The following CSMD3 variants were observed in gnomAD, a reference collection of about 807,000 sequenced individuals.
CSMD3 encodes CUB and sushi domain-containing protein 3.
A neutral mutation model predicts 435.2 loss-of-function variants in CSMD3; 177 were observed. The observed-to-expected ratio is 0.41, with a 90% CI of 0.36 to 0.46. The LOEUF is 0.46. Among genes scored for constraint, CSMD3 ranks in the 20% least tolerant of loss-of-function variants. The pLI, the probability that CSMD3 is intolerant of heterozygous loss-of-function variation, is 0.34. For missense variants in CSMD3, 4,265 were observed against 4,504.6 expected (o/e 0.95, Z 1.52); for synonymous variants, 1,656 against 1,520.5 (o/e 1.09, Z -2.07).
intron 4 of CSMD3, among the ~76,000 whole-genome samples, chr8:113,109,831 T>G (rs958462847): frequency 6.6e-6 from 1 of 152,214 alleles, no homozygotes; most frequent in Non-Finnish European, 1.5e-5. Context: ...CAGTTTTCTT[T>G]CTGAGTTCCA....
chr8:113,248,361 A>G (rs2093297751), intron 3 of CSMD3, among the ~76,000 whole-genome samples: 1 of 150,474 alleles, frequency 6.6e-6, no homozygotes. Flanking sequence ...TATATAACAC[A>G]TACAATAGAG....
intron 11 of CSMD3, among the ~76,000 whole-genome samples, chr8:112,847,628 C>A (rs1363594625): frequency 1.3e-5 from 2 of 152,162 alleles, no homozygotes; most frequent in Middle Eastern, 3.2e-3. Flanking sequence ...CAGCTATAGT[C>A]TGCAGAAAAG....
Position 112,506,825 on chromosome 8 carries a change from G to C in CSMD3, c.4761C>G (p.Pro1587=), listed in dbSNP as rs149472209. 6.8e-6 allele frequency: 11 copies of C among 1,612,226 alleles called. No homozygotes were observed. The East Asian group carries it at 2.5e-4, about 36-fold the overall frequency. Residue 1587 remains proline, a synonymous_variant, in exon 29 of 71, where the codon CCC becomes CCG. Coordinates refer to ENST00000297405, the MANE Select transcript of CSMD3 (RefSeq NM_198123.2). ...WQPSPPVCIA[P]CGGNLTGSSG... ...AAGATCCTGTTAAATTGCCTCCACAGGGTGCTTTAATTTAAACAAACAAAT... is the reference window on the plus strand; with the variant it reads ...AAGATCCTGTTAAATTGCCTCCACACGGTGCTTTAATTTAAACAAACAAAT...
intron 10 of CSMD3, among the ~76,000 whole-genome samples, chr8:112,895,978 G>A (rs1270464677): frequency 6.6e-6 from 1 of 151,386 alleles, no homozygotes; most frequent in Non-Finnish European, 1.5e-5. Flanking sequence ...TCTCAATAAT[G>A]AAATCATCTT....
intron 22 of CSMD3, among the ~76,000 whole-genome samples, chr8:112,613,500 T>A (rs1381792439): frequency 6.6e-6 from 1 of 152,146 alleles, no homozygotes; most frequent in Non-Finnish European, 1.5e-5. Context: ...AAAATAATAA[T>A]CACATAATTT....
At chr8:112,695,272 AC>A (rs2076225909) in intron 13 of CSMD3, among the ~76,000 whole-genome samples, 1 of 152,144 alleles carries the variant, frequency 6.6e-6, no homozygotes, top group African/African-American at 2.4e-5. Context: ...CGTTATAGAA[AC>A]CTAAAAATTA....
At chr8:112,944,265 T>C (rs2083537153) in intron 9 of CSMD3, among the ~76,000 whole-genome samples, 1 of 151,694 alleles carries the variant, frequency 6.6e-6, no homozygotes, top group Admixed American at 6.6e-5. Flanking sequence ...AATCACAAAA[T>C]ATGTAGGCCT....
chr8:112,533,789 A>G (rs1825775152), intron 27 of CSMD3, among the ~76,000 whole-genome samples: 2 of 152,086 alleles, frequency 1.3e-5, no homozygotes, highest in Admixed American at 6.6e-5. Context: ...ACATTTACAA[A>G]AGATTGTATC....
chr8:113,358,378 A>T (rs1376965015), intron 1 of CSMD3, among the ~76,000 whole-genome samples: 1 of 148,684 alleles, frequency 6.7e-6, no homozygotes, highest in Non-Finnish European at 1.5e-5. Flanking sequence ...TTTGAGATGT[A>T]GTCTTGCTCT....
intron 31 of CSMD3, among the ~76,000 whole-genome samples, chr8:112,490,389 A>G (rs1328329840): frequency 6.6e-6 from 1 of 152,128 alleles, no homozygotes; most frequent in Non-Finnish European, 1.5e-5. Context: ...GTGATCCTAT[A>G]AAATGGTTTT....
rs186232508 is a variant in CSMD3, at chr8:113,042,939, A to G, written c.918-23760T>C. ...TCCACCTAGTTCCAAGTTATCATCA[A>G]TTATTATTTACTCCTACTTCCTAAA... On this transcript the variant is annotated intron_variant, in intron 5 of 70. Transcript: ENST00000297405. 9.2e-5 allele frequency among the ~76,000 whole-genome samples: 14 copies of G among 152,296 alleles called. No individual in the cohort carries two copies. The East Asian group carries it at 2.5e-3, about 27-fold the overall frequency.
chr8:112,777,008 C>G (rs530943130), intron 13 of CSMD3, among the ~76,000 whole-genome samples: 1 of 151,794 alleles, frequency 6.6e-6, no homozygotes, highest in East Asian at 1.9e-4. Flanking sequence ...AGCTTTTGTA[C>G]ATTTTTTAGT....
Position 112,799,693 on chromosome 8 carries a change from G to C in CSMD3, c.1972+469C>G, listed in dbSNP as rs144366349. On this transcript the variant is annotated intron_variant, in intron 13 of 70. Coordinates refer to ENST00000297405, the MANE Select transcript of CSMD3 (RefSeq NM_198123.2). ...TGATCTGTATCTTTACTGACACTGG[G>C]ATGGGCAAAAGCAATTTCACAAATT... Among the ~76,000 whole-genome samples the C allele has an allele frequency of 5.2e-3, 792 of 152,016 alleles. 15 individuals carry two copies. Among genetic ancestry groups the C allele is most frequent in the African/African-American group, 0.018 (763 of 41,534 alleles).
At chr8:112,987,026 A>C (rs994952545) in intron 6 of CSMD3, among the ~76,000 whole-genome samples, 5 of 152,088 alleles carry the variant, frequency 3.3e-5, no homozygotes, top group African/African-American at 1.2e-4. Flanking sequence ...AACTATGTGG[A>C]GAGATATCAG....
At chr8:112,964,875 T>C (rs1210974353) in intron 7 of CSMD3, among the ~76,000 whole-genome samples, 7 of 151,900 alleles carry the variant, frequency 4.6e-5, no homozygotes, top group Non-Finnish European at 1.0e-4. Flanking sequence ...GAGAAAAATA[T>C]CCTACGCAAT....
At chr8:112,843,146 A>G (rs1383335250) in intron 11 of CSMD3, among the ~76,000 whole-genome samples, 1 of 151,856 alleles carries the variant, frequency 6.6e-6, no homozygotes, top group Non-Finnish European at 1.5e-5. Context: ...TTTGTTTACA[A>G]AAACATTGAT....
chr8:112,791,502 T>C (rs2078691458), intron 13 of CSMD3, among the ~76,000 whole-genome samples: 1 of 152,140 alleles, frequency 6.6e-6, no homozygotes, highest in Admixed American at 6.6e-5. Context: ...CTCTTTTTCA[T>C]CTGGCTTATT....
chr8:112,227,319 T>A (rs1298319972), intron 70 of CSMD3, among the ~76,000 whole-genome samples: 1 of 152,210 alleles, frequency 6.6e-6, no homozygotes, highest in Non-Finnish European at 1.5e-5. Context: ...ATACAAAATG[T>A]CACATATTGT....
intron 10 of CSMD3, among the ~76,000 whole-genome samples, chr8:112,866,765 A>G (rs1212694676): frequency 1.3e-5 from 2 of 152,210 alleles, no homozygotes; most frequent in Non-Finnish European, 2.9e-5. Context: ...ACAACAGCAT[A>G]AACTATAATT....
Sources: allele counts gnomAD v4.1 joint callset (sites outside exome capture counted in the v4.1 genomes callset), GRCh38; gene constraint gnomAD v4.1.1; transcripts MANE v1.5; gene names NCBI Gene and HGNC (gene_info 2026-07-23, HGNC 2026-07-21).